Variants in FSTL1 observed in about 807,000 individuals in gnomAD.
The protein encoded by FSTL1 is follistatin like 1, also known as follistatin-related protein 1.
FSTL1 carries 24 observed loss-of-function variants against 45.9 expected under a neutral mutation model. That is an observed-to-expected ratio of 0.52 (90% CI 0.38 to 0.74). The LOEUF (loss-of-function observed/expected upper bound fraction) is 0.74. Ranked by LOEUF, FSTL1 falls within the 30% of genes least tolerant of loss-of-function variation. FSTL1 has a pLI of 0.00. For synonymous variants in FSTL1, 120 were observed against 137.6 expected (o/e 0.87, Z 0.89); for missense variants, 340 against 381.8 (o/e 0.89, Z 0.91).
intron 3 of FSTL1, 87 bp downstream of exon 3, chr3:120,415,836 C>G: frequency 1.4e-6 from 1 of 725,976 alleles, no homozygotes; most frequent in Non-Finnish European, 2.5e-6. Context: ...AGAATGAAAT[C>G]ATTGGCACTG....
chr3:120,418,211 CAT>C (rs1419465862), intron 2 of FSTL1, among the ~76,000 whole-genome samples: 3 of 152,310 alleles, frequency 2.0e-5, no homozygotes, highest in Non-Finnish European at 2.9e-5. Context: ...TTTTCATACA[CAT>C]GATTTTGTCT....
intron 2 of FSTL1, among the ~76,000 whole-genome samples, chr3:120,438,735 T>C (rs1327218063): frequency 6.6e-6 from 1 of 152,168 alleles, no homozygotes; most frequent in African/African-American, 2.4e-5. Context: ...AGGTGGCTGC[T>C]CATTACCTGG....
chr3:120,431,117 G>T (rs554259412), intron 2 of FSTL1, among the ~76,000 whole-genome samples: 26 of 152,226 alleles, frequency 1.7e-4, no homozygotes, highest in Non-Finnish European at 3.2e-4. Flanking sequence ...GATTATAGGT[G>T]CCTGCCACCA....
chr3:120,398,175 G>C (rs1936741178), intron 10 of FSTL1, among the ~76,000 whole-genome samples: 1 of 152,176 alleles, frequency 6.6e-6, no homozygotes, highest in South Asian at 2.1e-4. Context: ...AGATAGTAGT[G>C]AGATGATTGA....
chr3:120,411,507 A>C (rs184094511), intron 4 of FSTL1, among the ~76,000 whole-genome samples: 1 of 152,348 alleles, frequency 6.6e-6, no homozygotes, highest in Admixed American at 6.5e-5. Flanking sequence ...GGAAAAGTGA[A>C]ACTTACCTAC....
At chr3:120,403,935 A>AAAAC (rs1936885131) in intron 7 of FSTL1, among the ~76,000 whole-genome samples, 1 of 131,330 alleles carries the variant, frequency 7.6e-6, no homozygotes, top group Non-Finnish European at 1.7e-5. Context: ...AAAAAAAAAA[A>AAAAC]AAAAAAAAAC....
intron 2 of FSTL1, among the ~76,000 whole-genome samples, chr3:120,436,928 G>A (rs974900145): frequency 2.6e-5 from 4 of 152,098 alleles, no homozygotes; most frequent in African/African-American, 9.7e-5. Flanking sequence ...GCTCGGCTGG[G>A]CCACCAAGAA....
At chr3:120,447,593 AG>A (rs756729656) in intron 2 of FSTL1, among the ~76,000 whole-genome samples, 3 of 152,220 alleles carry the variant, frequency 2.0e-5, no homozygotes, top group Non-Finnish European at 4.4e-5. Context: ...TGAGGTGCCA[AG>A]GAAGTAGGAC....
chr3:120,393,309 C>G lies in FSTL1; in HGVS notation c.*3643G>C, dbSNP rs1295480283. On this transcript the variant is annotated 3_prime_UTR_variant, in exon 11 of 11. Transcript: ENST00000295633. ...ATGACTGAACCGAAGAAACCTTAAA[C>G]CTCATTGACTATAATATGCTCTTTT... 6.6e-6 allele frequency: 1 copy of G among 152,150 alleles called. No homozygotes were observed. The highest frequency in any genetic ancestry group is 6.6e-5 in the Admixed American group (1 of 15,264). 9.4% of individuals were successfully genotyped at this position (152,150 alleles called of 1,614,324 possible). A position where few individuals can be genotyped will look rare whatever the true frequency, so the allele number is the denominator to read the frequency against.
intron 10 of FSTL1, among the ~76,000 whole-genome samples, chr3:120,399,485 G>A (rs953719300): frequency 3.3e-5 from 5 of 152,170 alleles, no homozygotes; most frequent in African/African-American, 1.2e-4. Flanking sequence ...GAGACTGCAA[G>A]GGTACAATGA....
At chr3:120,424,312 A>C (rs1211065689) in intron 2 of FSTL1, among the ~76,000 whole-genome samples, 1 of 152,090 alleles carries the variant, frequency 6.6e-6, no homozygotes, top group Non-Finnish European at 1.5e-5. Context: ...TAAAAATAAC[A>C]ACAAAAAACC....
intron 2 of FSTL1, among the ~76,000 whole-genome samples, chr3:120,416,682 G>A (rs115703919): frequency 0.043 from 6,619 of 152,248 alleles, 364 homozygotes; most frequent in Admixed American, 0.16. Context: ...CTAAACCATT[G>A]GAAACGTGGA....
intron 6 of FSTL1, among the ~76,000 whole-genome samples, chr3:120,406,692 TG>T (rs1002075524): frequency 1.3e-5 from 2 of 152,170 alleles, no homozygotes; most frequent in Admixed American, 1.3e-4. Flanking sequence ...CTGGAATGCC[TG>T]GGGGGTCTGC....
chr3:120,442,551 G>A (rs929388550), intron 2 of FSTL1, among the ~76,000 whole-genome samples: 3 of 152,030 alleles, frequency 2.0e-5, no homozygotes, highest in Admixed American at 6.5e-5. Flanking sequence ...AGGCTGAGGC[G>A]GGTGGATCAC....
chr3:120,400,357 C>T (rs1936797446), intron 9 of FSTL1, among the ~76,000 whole-genome samples: 1 of 152,214 alleles, frequency 6.6e-6, no homozygotes, highest in Admixed American at 6.5e-5. Flanking sequence ...TGTCTAGTTC[C>T]ACCTTCAGAG....
At chr3:120,411,229 T>G in intron 4 of FSTL1, 1 of 408,112 alleles carries the variant, frequency 2.5e-6, no homozygotes, top group South Asian at 2.8e-5. Context: ...CTCCTCCTGT[T>G]GCATTGAGGG....
chr3:120,395,531 TTC>T lies in FSTL1; in HGVS notation c.*1419_*1420del. ...CAAATATGAAGACAGAGTGGGGTGG[TTC>T]TCTTTCCCACTCTCTTCCTGCTTTA... On this transcript the variant is annotated 3_prime_UTR_variant, in exon 11 of 11. Coordinates refer to ENST00000295633, the MANE Select transcript of FSTL1 (RefSeq NM_007085.5). 2.3e-6 allele frequency: 1 copy of T among 431,026 alleles called. No homozygotes were observed. The highest frequency in any genetic ancestry group is 1.8e-5 in the South Asian group (1 of 56,462). The allele number at this position is 431,026 out of a possible 1,614,324, so 26.7% of individuals were successfully genotyped here.
intron 2 of FSTL1, among the ~76,000 whole-genome samples, chr3:120,433,785 C>T (rs1404737524): frequency 1.3e-5 from 2 of 151,988 alleles, no homozygotes; most frequent in Non-Finnish European, 2.9e-5. Flanking sequence ...GCAATTCAGA[C>T]GAAAGTAGAA....
chr3:120,434,039 A>G (rs549026070), intron 2 of FSTL1, among the ~76,000 whole-genome samples: 1 of 152,230 alleles, frequency 6.6e-6, no homozygotes. Flanking sequence ...TGTTTTACAA[A>G]GATTACTCAG....
Sources: allele counts gnomAD v4.1 joint callset (sites outside exome capture counted in the v4.1 genomes callset), GRCh38; gene constraint gnomAD v4.1.1; transcripts MANE v1.5; gene names NCBI Gene and HGNC (gene_info 2026-07-23, HGNC 2026-07-21).